Variants in FRYL observed in about 807,000 individuals in gnomAD.
FRYL encodes FRY like transcription coactivator, also known as protein furry homolog-like.
FRYL carries 150 observed loss-of-function variants against 351.2 expected under a neutral mutation model. The observed-to-expected ratio is 0.43, with a 90% confidence interval of 0.37 to 0.49. The LOEUF (loss-of-function observed/expected upper bound fraction) is 0.49, where lower values mean the gene tolerates loss of function less well. Ranked by LOEUF, FRYL falls within the 20% of genes least tolerant of loss-of-function variation. The pLI is 0.00. For synonymous variants in FRYL, 1,153 were observed against 1,257.1 expected (o/e 0.92, Z 1.75); for missense variants, 3,036 against 3,619.3 (o/e 0.84, Z 4.13).
At chr4:48,721,610 C>T (rs1161326930) in intron 1 of FRYL, among the ~76,000 whole-genome samples, 1 of 152,130 alleles carries the variant, frequency 6.6e-6, no homozygotes, top group Non-Finnish European at 1.5e-5. Context: ...ACTTGAACAT[C>T]TTATCATCTC....
chr4:48,582,294 A>T (rs1032502275), intron 20 of FRYL, among the ~76,000 whole-genome samples: 1 of 152,234 alleles, frequency 6.6e-6, no homozygotes, highest in Non-Finnish European at 1.5e-5. Context: ...CCAAAGAAGA[A>T]GATTAGAAAA....
At chr4:48,507,897 G>A (rs376886891) in intron 59 of FRYL, among the ~76,000 whole-genome samples, 2 of 152,196 alleles carry the variant, frequency 1.3e-5, no homozygotes, top group Non-Finnish European at 2.9e-5. Flanking sequence ...GGGAGACTGA[G>A]AAGGTCGGCA....
intron 3 of FRYL, among the ~76,000 whole-genome samples, chr4:48,671,877 A>AAAAAAAAAAAAAAAAAAAAAG (rs1762805821): frequency 6.8e-6 from 1 of 147,298 alleles, no homozygotes; most frequent in Non-Finnish European, 1.5e-5. Flanking sequence ...AAAAAACAAA[A>AAAAAAAAAAAAAAAAAAAAAG]AAAAAAAAAA....
chr4:48,605,779 C>G lies in FRYL; in HGVS notation c.796G>C (p.Ala266Pro), dbSNP rs775670379. ...VKDKDIKHAL[A>P]GLFVEILIPV... is the part of the protein sequence containing the mutation. Reference sequence around the variant, plus strand: ...ATAAGAATCTCCACAAATAAACCAGCAAGTGCATGTTTTATATCTTTATCT... The same window carrying G: ...ATAAGAATCTCCACAAATAAACCAGGAAGTGCATGTTTTATATCTTTATCT... Residue 266 changes from alanine (A) to proline (P), a missense_variant, in exon 11 of 64, where the codon GCT becomes CCT. Ala to Pro is a conservative substitution (Grantham distance 27). This residue lies in a region of FRYL where 457 missense variants were observed against 566.6 expected (regional missense o/e 0.81). Coordinates refer to ENST00000358350, the MANE Select transcript of FRYL (RefSeq NM_015030.2). 20 of 1,609,492 alleles carry G rather than the reference C, an allele frequency of 1.2e-5. No individual in the cohort carries two copies. Among genetic ancestry groups the G allele is most frequent in the Non-Finnish European group, 1.6e-5 (19 of 1,176,748 alleles).
rs765121432 is a variant in FRYL at position 48,567,430 on chromosome 4, T to C, written c.2997-10A>G. 1.3e-5 allele frequency: 20 copies of C among 1,578,000 alleles called. No homozygotes were observed. Among genetic ancestry groups the C allele is most frequent in the Non-Finnish European group, 1.5e-5 (18 of 1,166,958 alleles). Reference sequence around the variant, plus strand: ...AAGGCCACCACTTGCACTGAAAATATTGAAGAAAACAAAAGATGAAGTAAA... The same window carrying C: ...AAGGCCACCACTTGCACTGAAAATACTGAAGAAAACAAAAGATGAAGTAAA... On this transcript the variant is annotated splice_polypyrimidine_tract_variant and intron_variant, in intron 27 of 63. Transcript: ENST00000358350. The surrounding 1 kb of genome is among the most constrained non-coding windows in gnomAD (Gnocchi z 4.2).
intron 49 of FRYL, among the ~76,000 whole-genome samples, 154 bp downstream of exon 49, chr4:48,534,391 T>C (rs1335036005): frequency 4.6e-5 from 7 of 152,208 alleles, no homozygotes; most frequent in Non-Finnish European, 7.3e-5. Flanking sequence ...GTCACTTACA[T>C]TGAGAACATT....
intron 40 of FRYL, among the ~76,000 whole-genome samples, chr4:48,547,999 T>G (rs960560509): frequency 2.0e-5 from 3 of 152,154 alleles, no homozygotes; most frequent in Non-Finnish European, 2.9e-5. Flanking sequence ...GTCTAAAATT[T>G]AGTGATCTCT....
At chr4:48,653,628 G>T in intron 3 of FRYL, 1 of 852,730 alleles carries the variant, frequency 1.2e-6, no homozygotes, top group Non-Finnish European at 1.6e-6. Context: ...TATCTATTTG[G>T]ATTGGTCTGA....
intron 6 of FRYL, among the ~76,000 whole-genome samples, chr4:48,620,327 C>T (rs1162890732): frequency 6.6e-6 from 1 of 152,174 alleles, no homozygotes; most frequent in Non-Finnish European, 1.5e-5. Flanking sequence ...TGAATATTTT[C>T]TTAACTTTAT....
chr4:48,651,339 G>GTGTGTGTA (rs1391767970), intron 3 of FRYL, among the ~76,000 whole-genome samples: 1 of 110,184 alleles, frequency 9.1e-6, no homozygotes, highest in African/African-American at 3.2e-5. Context: ...GTGTGTGTGT[G>GTGTGTGTA]TAGTGGTAGA....
chr4:48,687,877 C>A (rs949683364), intron 2 of FRYL, among the ~76,000 whole-genome samples: 7 of 152,006 alleles, frequency 4.6e-5, no homozygotes, highest in African/African-American at 1.7e-4. Flanking sequence ...TAAGGAAAAA[C>A]GACTTAATTA....
intron 35 of FRYL, 108 bp downstream of exon 35, chr4:48,556,870 C>T (rs1214738980): frequency 5.0e-5 from 47 of 939,876 alleles, no homozygotes; most frequent in Non-Finnish European, 6.2e-6. Context: ...CATCCCGGCC[C>T]TTGCCTTGCC....
rs371067668 is a variant in FRYL at position 48,523,182 on chromosome 4, A to G, written c.7318-78T>C. On this transcript the variant is annotated intron_variant, in intron 53 of 63. Transcript: ENST00000358350. ...ACTAAATGTAATATACCAGAAAAAC[A>G]TATACCAAGATGAAAAATACTTAAT... 5.8e-4 allele frequency: 541 copies of G among 939,132 alleles called. 11 individuals are homozygous for G. The South Asian group carries it at 8.0e-3, about 14-fold the overall frequency. The allele number at this position is 939,132 out of a possible 1,614,324, so 58.2% of individuals were successfully genotyped here.
intron 2 of FRYL, among the ~76,000 whole-genome samples, chr4:48,703,709 TTCTC>T (rs1307598185): frequency 6.6e-6 from 1 of 152,196 alleles, no homozygotes; most frequent in Non-Finnish European, 1.5e-5. Flanking sequence ...CACTTTTACA[TTCTC>T]TCTTAGAATT....
intron 47 of FRYL, among the ~76,000 whole-genome samples, chr4:48,539,541 T>C (rs1162120557): frequency 6.6e-6 from 1 of 151,430 alleles, no homozygotes; most frequent in Non-Finnish European, 1.5e-5. Flanking sequence ...CCTGCCCCGA[T>C]AAAATACCAA....
At chr4:48,673,435 G>A (rs1026119911) in intron 3 of FRYL, among the ~76,000 whole-genome samples, 1 of 152,072 alleles carries the variant, frequency 6.6e-6, no homozygotes, top group Non-Finnish European at 1.5e-5. Flanking sequence ...GGAATGCAGA[G>A]GCTATTCACA....
chr4:48,769,306 T>TA (rs1336828300), intron 1 of FRYL, among the ~76,000 whole-genome samples: 1 of 152,044 alleles, frequency 6.6e-6, no homozygotes, highest in Admixed American at 6.6e-5. Flanking sequence ...AACTCTACAA[T>TA]AAAAAACAAT....
At chr4:48,658,592 A>AC (rs1217041357) in intron 3 of FRYL, among the ~76,000 whole-genome samples, 2 of 149,802 alleles carry the variant, frequency 1.3e-5, no homozygotes, top group Non-Finnish European at 3.0e-5. Flanking sequence ...TACAAAAAAA[A>AC]AAAAAAAAAA....
intron 2 of FRYL, among the ~76,000 whole-genome samples, chr4:48,703,216 G>A (rs2149578933): frequency 6.6e-6 from 1 of 152,234 alleles, no homozygotes; most frequent in South Asian, 2.1e-4. Flanking sequence ...CAGACTAGAT[G>A]GGGAATAGGG....
Sources: gnomAD v4.1 joint callset for allele counts (sites outside exome capture counted in the v4.1 genomes callset) on GRCh38, gnomAD v4.1.1 for gene constraint, gnomAD v4.1.1 regional missense constraint, Gnocchi (gnomAD v3.1) non-coding constraint, MANE v1.5 for transcripts, NCBI Gene and HGNC (gene_info 2026-07-23, HGNC 2026-07-21) for gene names.